CEMIP: variants seen among roughly 807,000 people sequenced by gnomAD.
CEMIP encodes the protein cell migration inducing hyaluronidase 1, also known as cell migration-inducing and hyaluronan-binding protein.
CEMIP carries 105 observed loss-of-function variants against 156.9 expected under a neutral mutation model. That is an observed-to-expected ratio of 0.67 (90% CI 0.57 to 0.79). CEMIP has a LOEUF of 0.79. Ranked by LOEUF, CEMIP falls within the 30% of genes least tolerant of loss-of-function variation. CEMIP has a pLI of 0.00. For synonymous variants in CEMIP, 676 were observed against 668.4 expected (o/e 1.01, Z -0.17); for missense variants, 1,457 against 1,769.4 (o/e 0.82, Z 3.17).
Position 80,849,318 on chromosome 15 carries a change from C to G in CEMIP, c.-175-24220C>G, listed in dbSNP as rs138261983. 5.7e-4 allele frequency among the ~76,000 whole-genome samples: 87 copies of G among 152,248 alleles called. 2 individuals are homozygous for G. The East Asian group carries it at 0.016, about 28-fold the overall frequency. ...ATATGTCTAGAGTCCATGTCTCTCT[C>G]TTGATCTCCGGACTCACCTATGCAA... On this transcript the variant is annotated intron_variant, in intron 1 of 29. Transcript: ENST00000394685.
intron 1 of CEMIP, among the ~76,000 whole-genome samples, chr15:80,791,269 TTGTACC>T: frequency 6.6e-6 from 1 of 152,244 alleles, no homozygotes; most frequent in Non-Finnish European, 1.5e-5. Context: ...TGTTAGGTCC[TTGTACC>T]TGGTGGCAGG....
chr15:80,851,278 T>C (rs1291219958), intron 1 of CEMIP, among the ~76,000 whole-genome samples: 1 of 152,192 alleles, frequency 6.6e-6, no homozygotes, highest in Non-Finnish European at 1.5e-5. Flanking sequence ...ACGTGGCCAG[T>C]GATTGGCTAA....
intron 28 of CEMIP, among the ~76,000 whole-genome samples, chr15:80,943,498 A>C (rs1901421322): frequency 6.6e-6 from 1 of 152,216 alleles, no homozygotes; most frequent in Non-Finnish European, 1.5e-5. Context: ...CTACTTGGAC[A>C]ACGCCACCTG....
intron 1 of CEMIP, among the ~76,000 whole-genome samples, chr15:80,851,851 G>A (rs1252215239): frequency 6.6e-6 from 1 of 152,122 alleles, no homozygotes; most frequent in Non-Finnish European, 1.5e-5. Context: ...GTTTTGGAAG[G>A]GTGTAAAATA....
chr15:80,818,600 T>A (rs972356470), intron 1 of CEMIP, among the ~76,000 whole-genome samples: 1 of 152,202 alleles, frequency 6.6e-6, no homozygotes, highest in Non-Finnish European at 1.5e-5. Context: ...TCAGAATAGC[T>A]CATCAATTTC....
At chr15:80,922,499 TGA>T (rs1900514763) in intron 17 of CEMIP, among the ~76,000 whole-genome samples, 2 of 152,178 alleles carry the variant, frequency 1.3e-5, no homozygotes, top group Admixed American at 1.3e-4. Flanking sequence ...GCCTCAACTA[TGA>T]AAAGTTAGGC....
At chr15:80,782,139 A>G (rs1044348764) in intron 1 of CEMIP, among the ~76,000 whole-genome samples, 4 of 152,208 alleles carry the variant, frequency 2.6e-5, no homozygotes, top group African/African-American at 9.7e-5. Context: ...GTTGTTTTCA[A>G]AATACTCTCA....
intron 1 of CEMIP, among the ~76,000 whole-genome samples, chr15:80,857,305 C>T (rs899053244): frequency 6.6e-5 from 10 of 152,212 alleles, no homozygotes; most frequent in Non-Finnish European, 1.5e-4. Context: ...CAGGTGCCAA[C>T]AAATTGGCCT....
At position 80,949,041 on chromosome 15, in the gene CEMIP, T is replaced by C; in HGVS notation, c.*117T>C. 1 of 1,394,230 alleles carries C rather than the reference T, an allele frequency of 7.2e-7. No homozygotes were observed. The highest frequency in any genetic ancestry group is 2.3e-5 in the East Asian group (1 of 43,812). 86.4% of individuals were successfully genotyped at this position (1,394,230 alleles called of 1,614,324 possible). ...TGCCAGCAGCTGCCTGGGAAGGCCG[T>C]GTTTCAGCCCTGATGGGCCAAGGGA... On this transcript the variant is annotated 3_prime_UTR_variant, in exon 30 of 30. Coordinates refer to ENST00000394685, the MANE Select transcript of CEMIP (RefSeq NM_001293298.2).
chr15:80,921,951 C>A (rs1900488992), intron 16 of CEMIP, 58 bp from the exon 17 acceptor site: 6 of 1,611,858 alleles, frequency 3.7e-6, no homozygotes, highest in Non-Finnish European at 5.1e-6. Context: ...GGCCACCTTG[C>A]CCAGGAGCTC....
At chr15:80,836,595 G>A (rs986089252) in intron 1 of CEMIP, among the ~76,000 whole-genome samples, 8 of 131,166 alleles carry the variant, frequency 6.1e-5, no homozygotes, top group Admixed American at 3.9e-4. Flanking sequence ...AATCCTATGA[G>A]TTCTTTTGTT....
At position 80,942,362 on chromosome 15, in the gene CEMIP, A is replaced by T. The variant is rs1158496669; in HGVS notation, c.3699+25A>T. 9 of 1,596,446 alleles carry T rather than the reference A, an allele frequency of 5.6e-6. No individual in the cohort carries two copies. In the South Asian group the frequency reaches 9.9e-5, roughly 18 times the overall value. ...AGTAAGTGCCTCTGGCCCCTGGAGG[A>T]TTCGGGTTTGCTCATTGAGAGGTGA... is the stretch of plus-strand genomic sequence containing the variant. On this transcript the variant is annotated intron_variant, in intron 27 of 29. Transcript: ENST00000394685.
intron 10 of CEMIP, among the ~76,000 whole-genome samples, chr15:80,892,877 C>T (rs182183219): frequency 1.5e-4 from 23 of 152,290 alleles, no homozygotes; most frequent in African/African-American, 5.5e-4. Context: ...GTGGCCCATA[C>T]ATTTTTTATT....
At position 80,906,577 on chromosome 15, in the gene CEMIP, C is replaced by A; in HGVS notation, c.1412-86C>A. On this transcript the variant is annotated intron_variant, in intron 12 of 29. Coordinates refer to ENST00000394685, the MANE Select transcript of CEMIP (RefSeq NM_001293298.2). This position sits in a 1 kb window ranked among gnomAD's most constrained non-coding sequence, Gnocchi z 4.3. ...ACCAGGCATGGCGATGAGTAAGCAG[C>A]AGCCATGGAGGCACCTGGCAGGGGC... is the stretch of plus-strand genomic sequence containing the variant. 1 of 1,340,522 alleles carries A rather than the reference C, an allele frequency of 7.5e-7. No homozygotes were observed. Among genetic ancestry groups the A allele is most frequent in the South Asian group, 1.3e-5 (1 of 75,140 alleles). 83.0% of individuals were successfully genotyped at this position (1,340,522 alleles called of 1,614,324 possible).
chr15:80,923,652 C>A (rs891288017), intron 17 of CEMIP, among the ~76,000 whole-genome samples: 5 of 152,154 alleles, frequency 3.3e-5, no homozygotes, highest in Admixed American at 2.6e-4. Flanking sequence ...TGGATGGATT[C>A]GATTGTCTAA....
Position 80,906,488 on chromosome 15 carries a change from C to A in CEMIP, c.1412-175C>A, listed in dbSNP as rs1490371098. Reference sequence around the variant, plus strand: ...TGTGTAACTGTGAGATCTGGGTCTGCATGCAGGCGTGTGACTTCACCTCCC... The same window carrying A: ...TGTGTAACTGTGAGATCTGGGTCTGAATGCAGGCGTGTGACTTCACCTCCC... On this transcript the variant is annotated intron_variant, in intron 12 of 29. Coordinates refer to ENST00000394685, the MANE Select transcript of CEMIP (RefSeq NM_001293298.2). This position sits in a 1 kb window ranked among gnomAD's most constrained non-coding sequence, Gnocchi z 4.3. Among the ~76,000 whole-genome samples the A allele has an allele frequency of 6.6e-6, 1 of 152,176 alleles. No homozygotes were observed. The highest frequency in any genetic ancestry group is 6.5e-5 in the Admixed American group (1 of 15,282).
intron 11 of CEMIP, among the ~76,000 whole-genome samples, chr15:80,895,448 G>A (rs1899186098): frequency 6.6e-6 from 1 of 152,132 alleles, no homozygotes; most frequent in Admixed American, 6.5e-5. Flanking sequence ...GTGCTTGTTA[G>A]AAGAGATTGG....
chr15:80,887,652 C>G (rs747599909), intron 7 of CEMIP, 42 bp from the exon 8 acceptor site: 6 of 1,491,582 alleles, frequency 4.0e-6, no homozygotes, highest in Non-Finnish European at 5.6e-6. Flanking sequence ...GGTACAGACT[C>G]GTGCAGAACT....
chr15:80,784,714 G>A (rs11072942), intron 1 of CEMIP, among the ~76,000 whole-genome samples: 34,239 of 152,076 alleles, frequency 0.23, 4,094 homozygotes, highest in East Asian at 0.41. Context: ...AAATATGCCA[G>A]CAACTCACAG....
Sources: gnomAD v4.1 joint callset for allele counts (sites outside exome capture counted in the v4.1 genomes callset) on GRCh38, gnomAD v4.1.1 for gene constraint, Gnocchi (gnomAD v3.1) non-coding constraint, MANE v1.5 for transcripts, NCBI Gene and HGNC (gene_info 2026-07-23, HGNC 2026-07-21) for gene names.